The following MACROD2 variants were observed in gnomAD, a reference collection of about 807,000 sequenced individuals.
MACROD2 encodes the protein ADP-ribose glycohydrolase MACROD2.
MACROD2 carries 36 observed loss-of-function variants against 70.4 expected under a neutral mutation model. The observed-to-expected ratio is 0.51, with a 90% CI of 0.39 to 0.68. The LOEUF is 0.68. MACROD2 is among the 30% of genes least tolerant of loss of function. MACROD2 has a pLI of 0.00. For missense variants in MACROD2, 496 were observed against 538.4 expected, an observed-to-expected ratio of 0.92 and a Z score of 0.78; for synonymous variants, 172 against 178.8, an observed-to-expected ratio of 0.96 and a Z score of 0.30.
chr20:15,431,948 G>A (rs1389433960), intron 7 of MACROD2, among the ~76,000 whole-genome samples: 1 of 151,984 alleles, frequency 6.6e-6, no homozygotes, highest in Non-Finnish European at 1.5e-5. Flanking sequence ...GTGATGGATT[G>A]TGTTAAGTAG....
chr20:15,966,158 G>A (rs1207825851), intron 12 of MACROD2, among the ~76,000 whole-genome samples: 1 of 152,106 alleles, frequency 6.6e-6, no homozygotes, highest in Non-Finnish European at 1.5e-5. Context: ...AAATGAAAAG[G>A]AAACAAACAA....
At chr20:14,022,606 A>T (rs2053102642) in intron 2 of MACROD2, among the ~76,000 whole-genome samples, 1 of 151,568 alleles carries the variant, frequency 6.6e-6, no homozygotes, top group African/African-American at 2.4e-5. Context: ...TCCCCCACCC[A>T]CCGACAGGCC....
At chr20:15,238,298 G>A (rs1568660572) in intron 6 of MACROD2, among the ~76,000 whole-genome samples, 1 of 152,120 alleles carries the variant, frequency 6.6e-6, no homozygotes. Context: ...ATATCCTATA[G>A]AATACATGGT....
intron 5 of MACROD2, among the ~76,000 whole-genome samples, chr20:15,053,183 C>T (rs997329861): frequency 2.6e-5 from 4 of 152,184 alleles, no homozygotes; most frequent in African/African-American, 9.7e-5. Context: ...GTAGAAGCTG[C>T]TGTAGCCAGT....
At chr20:13,998,675 G>A (rs1284578116) in intron 1 of MACROD2, among the ~76,000 whole-genome samples, 1 of 152,090 alleles carries the variant, frequency 6.6e-6, no homozygotes, top group Admixed American at 6.5e-5. Flanking sequence ...ACAGAGAAGG[G>A]CTAGGCGCGG....
At chr20:15,691,695 G>T (rs779153718) in intron 8 of MACROD2, among the ~76,000 whole-genome samples, 1 of 152,200 alleles carries the variant, frequency 6.6e-6, no homozygotes, top group Non-Finnish European at 1.5e-5. Flanking sequence ...GGAAAGAGAA[G>T]AGTTGAAAAG....
At chr20:15,334,280 C>A (rs1285230875) in intron 6 of MACROD2, among the ~76,000 whole-genome samples, 3 of 150,796 alleles carry the variant, frequency 2.0e-5, no homozygotes, top group Non-Finnish European at 4.4e-5. Flanking sequence ...TTTCTAAGTT[C>A]TTTTTTTCCT....
At chr20:14,472,430 T>G (rs897518692) in intron 3 of MACROD2, among the ~76,000 whole-genome samples, 1 of 152,198 alleles carries the variant, frequency 6.6e-6, no homozygotes, top group African/African-American at 2.4e-5. Context: ...ATGCTTTATA[T>G]GTACTACTAA....
chr20:14,458,769 A>C (rs1417098073), intron 3 of MACROD2, among the ~76,000 whole-genome samples: 2 of 152,140 alleles, frequency 1.3e-5, no homozygotes, highest in Non-Finnish European at 2.9e-5. Flanking sequence ...AAATATACTG[A>C]ATTAGTCTCA....
intron 5 of MACROD2, among the ~76,000 whole-genome samples, chr20:15,167,454 C>T (rs2145883148): frequency 6.6e-6 from 1 of 152,262 alleles, no homozygotes; most frequent in South Asian, 2.1e-4. Flanking sequence ...CTTCCTCCTC[C>T]TCGCTGTATT....
chr20:15,142,712 C>T (rs1320564391), intron 5 of MACROD2, among the ~76,000 whole-genome samples: 1 of 150,558 alleles, frequency 6.6e-6, no homozygotes, highest in Non-Finnish European at 1.5e-5. Flanking sequence ...CACCCTGTGC[C>T]CGAGTGTTCT....
intron 3 of MACROD2, among the ~76,000 whole-genome samples, chr20:14,475,579 T>TG (rs1383544909): frequency 2.0e-5 from 3 of 152,084 alleles, no homozygotes; most frequent in Non-Finnish European, 4.4e-5. Flanking sequence ...ATTTTTTTTT[T>TG]TAAGAACAGG....
chr20:14,361,784 CTG>C (rs1491240611), intron 3 of MACROD2, among the ~76,000 whole-genome samples: 2 of 152,124 alleles, frequency 1.3e-5, no homozygotes, highest in Non-Finnish European at 2.9e-5. Flanking sequence ...AAGCCAATAG[CTG>C]ATGTGGCACC....
At position 15,658,258 on chromosome 20, in the gene MACROD2, C is replaced by T. The variant is rs377482383; in HGVS notation, c.645+158411C>T. The stretch of plus-strand genomic sequence containing the variant: ...TTTTTTTTAACTTGAATATCAAGCT[C>T]GCTATGCAATTTGACTTATGGAGTG... On this transcript the variant is annotated intron_variant, in intron 8 of 17. Coordinates refer to ENST00000684519, the MANE Select transcript of MACROD2 (RefSeq NM_001351661.2). 7.7e-4 allele frequency among the ~76,000 whole-genome samples: 114 copies of T among 147,714 alleles called. 1 individual carries two copies. In the South Asian group the frequency reaches 0.018, roughly 23 times the overall value.
At chr20:15,766,404 G>A (rs1355302517) in intron 8 of MACROD2, among the ~76,000 whole-genome samples, 1 of 152,186 alleles carries the variant, frequency 6.6e-6, no homozygotes, top group African/African-American at 2.4e-5. Flanking sequence ...TTCATAAACA[G>A]TCAGATTACA....
chr20:14,339,741 A>G (rs766436907), intron 3 of MACROD2, among the ~76,000 whole-genome samples: 23 of 152,204 alleles, frequency 1.5e-4, no homozygotes, highest in Admixed American at 3.3e-4. Flanking sequence ...GCAAGGATTT[A>G]TTAAATGCCA....
intron 6 of MACROD2, among the ~76,000 whole-genome samples, chr20:15,288,134 A>G (rs191782509): frequency 8.5e-4 from 130 of 152,350 alleles, no homozygotes; most frequent in African/African-American, 3.1e-3. Context: ...ACTGAAATCC[A>G]ATGCAAAGTA....
chr20:15,729,026 A>G (rs1267386530), intron 8 of MACROD2, among the ~76,000 whole-genome samples: 1 of 152,164 alleles, frequency 6.6e-6, no homozygotes, highest in Non-Finnish European at 1.5e-5. Context: ...TTAACACTAT[A>G]ACATTTCTTC....
chr20:15,478,569 GT>G (rs2047053759), intron 7 of MACROD2, among the ~76,000 whole-genome samples: 1 of 152,016 alleles, frequency 6.6e-6, no homozygotes, highest in Non-Finnish European at 1.5e-5. Context: ...GTGTGTGTGT[GT>G]GTGTTTCTTC....
Sources: gnomAD v4.1 joint callset for allele counts (sites outside exome capture counted in the v4.1 genomes callset) on GRCh38, gnomAD v4.1.1 for gene constraint, MANE v1.5 for transcripts, NCBI Gene and HGNC (gene_info 2026-07-23, HGNC 2026-07-21) for gene names.